The following MED13 variants were observed in gnomAD, a reference collection of about 807,000 sequenced individuals.
MED13 encodes mediator of RNA polymerase II transcription subunit 13.
In MED13, 23 loss-of-function variants were observed where a neutral mutation model predicts 225.2. That is an observed-to-expected ratio of 0.10 (90% CI 0.07 to 0.14). MED13 has a LOEUF of 0.14. Ranked by LOEUF, MED13 falls within the 10% of genes least tolerant of loss-of-function variation. The pLI is 1.00. For synonymous variants in MED13, 942 were observed against 889.2 expected (o/e 1.06, Z -1.06); for missense variants, 2,197 against 2,594.5 (o/e 0.85, Z 3.33).
intron 26 of MED13, 142 bp from the exon 27 acceptor site, chr17:61,953,255 G>A (rs755064719): frequency 6.9e-5 from 56 of 813,076 alleles, no homozygotes; most frequent in Non-Finnish European, 9.9e-5. Context: ...CATGTGCCAA[G>A]TATTGTGCTA....
Position 62,033,837 on chromosome 17 carries a change from T to G in MED13, c.764A>C (p.Glu255Ala). Residue 255 changes from glutamate (E) to alanine (A), a missense_variant, in exon 5 of 30, where the codon GAA becomes GCA. By Grantham distance (107) the Glu-to-Ala change is moderately radical (BLOSUM62 -1). This residue lies in a region of MED13 where 884 missense variants were observed against 918.5 expected (regional missense o/e 0.96). Transcript: ENST00000397786. ...CLKEMSEEKQ[E>A]DMDWEDDSLA... ...AGAATCATCTTCCCAATCCATATCTTCCTGTTTTTCTTCAGACATCTCCTT... is the reference window on the plus strand; with the variant it reads ...AGAATCATCTTCCCAATCCATATCTGCCTGTTTTTCTTCAGACATCTCCTT... 6.2e-7 allele frequency: 1 copy of G among 1,614,090 alleles called. No individual in the cohort carries two copies. The highest frequency in any genetic ancestry group is 8.5e-7 in the Non-Finnish European group (1 of 1,180,010).
intron 2 of MED13, among the ~76,000 whole-genome samples, chr17:62,056,463 T>G (rs372986233): frequency 1.3e-5 from 2 of 152,298 alleles, no homozygotes; most frequent in South Asian, 4.1e-4. Context: ...TTAATCTATA[T>G]AACTATTTTC....
chr17:62,018,636 C>G (rs1215703787), intron 8 of MED13, among the ~76,000 whole-genome samples: 1 of 151,806 alleles, frequency 6.6e-6, no homozygotes, highest in African/African-American at 2.4e-5. Flanking sequence ...ATCGCTCGAG[C>G]CAGGGAGGGG....
chr17:62,032,167 C>A lies in MED13; in HGVS notation c.815-529G>T, dbSNP rs542265213. On this transcript the variant is annotated intron_variant, in intron 5 of 29. Transcript: ENST00000397786. ...GGTAATCTTTTTCTTAAAAAAAAAA[C>A]AGACAAACAACAACAAAAAAAACAG... Among the ~76,000 whole-genome samples, 102 of 150,340 alleles carry A rather than the reference C, an allele frequency of 6.8e-4. 1 individual carries two copies. In the East Asian group the frequency reaches 0.017, roughly 26 times the overall value.
At chr17:61,974,073 A>G (rs2080132352) in intron 16 of MED13, among the ~76,000 whole-genome samples, 1 of 152,180 alleles carries the variant, frequency 6.6e-6, no homozygotes, top group African/African-American at 2.4e-5. Context: ...ATATGCTTAA[A>G]TAAACTTTTG....
chr17:62,033,526 T>C (rs2080776013), intron 5 of MED13, among the ~76,000 whole-genome samples: 1 of 152,222 alleles, frequency 6.6e-6, no homozygotes, highest in African/African-American at 2.4e-5. Context: ...TTAGGTTCAG[T>C]CCCTATTATT....
intron 2 of MED13, among the ~76,000 whole-genome samples, chr17:62,056,605 T>G (rs1255399176): frequency 6.6e-6 from 1 of 151,424 alleles, no homozygotes; most frequent in Non-Finnish European, 1.5e-5. Flanking sequence ...CCAAAAAACT[T>G]TTTTTAGTTA....
At chr17:61,946,672 T>C (rs976749481) in intron 29 of MED13, 72 bp from the exon 30 acceptor site, 66 of 1,566,024 alleles carry the variant, frequency 4.2e-5, no homozygotes, top group African/African-American at 9.6e-5. Flanking sequence ...TTTTCAATTA[T>C]GGCATTTAAG....
chr17:61,951,894 A>G (rs1008496358), intron 27 of MED13, among the ~76,000 whole-genome samples: 3 of 152,086 alleles, frequency 2.0e-5, no homozygotes, highest in African/African-American at 7.2e-5. Flanking sequence ...ACCAGTATAT[A>G]TAATTTCTTT....
chr17:62,029,468 A>G, intron 8 of MED13, 73 bp downstream of exon 8: 1 of 1,122,904 alleles, frequency 8.9e-7, no homozygotes, highest in East Asian at 2.4e-5. Context: ...TGTTTCAAAT[A>G]AAGTGGGCAT....
rs1009448735 is a variant in MED13, at chr17:61,945,924, A to T, written c.*544T>A. The T allele has an allele frequency of 6.6e-6, 1 of 152,660 alleles. No homozygotes were observed. The highest frequency in any genetic ancestry group is 6.5e-5 in the Admixed American group (1 of 15,280). 9.5% of individuals were successfully genotyped at this position (152,660 alleles called of 1,614,324 possible). A position where few individuals can be genotyped will look rare whatever the true frequency, so the allele number is the denominator to read the frequency against. On this transcript the variant is annotated 3_prime_UTR_variant, in exon 30 of 30. Transcript: ENST00000397786. ...AGACGATTACATATATTTTAGACCA[A>T]TTGCTTTAAAGCAAGAAGGCAGTAT...
chr17:62,019,725 T>C (rs1230379919), intron 8 of MED13, among the ~76,000 whole-genome samples: 5 of 151,796 alleles, frequency 3.3e-5, no homozygotes, highest in East Asian at 1.9e-4. Flanking sequence ...CTTTAGAGAG[T>C]ACAATTGAAT....
intron 9 of MED13, among the ~76,000 whole-genome samples, chr17:62,007,876 G>C (rs545269417): frequency 6.6e-6 from 1 of 151,924 alleles, no homozygotes; most frequent in East Asian, 1.9e-4. Flanking sequence ...AAAATTAGCA[G>C]AGTGTGCTGG....
Position 61,961,749 on chromosome 17 carries a change from C to T in MED13, c.5095G>A (p.Val1699Met). 1 of 1,613,956 alleles carries T rather than the reference C, an allele frequency of 6.2e-7. No individual in the cohort carries two copies. The highest frequency in any genetic ancestry group is 1.1e-5 in the South Asian group (1 of 91,072). The change falls in exon 22 of 30, where the codon GTG becomes ATG. Residue 1699 changes from valine to methionine, a missense_variant. Val to Met is a conservative substitution (Grantham distance 21). Coordinates refer to ENST00000397786, the MANE Select transcript of MED13 (RefSeq NM_005121.3). ...IIPCQYLLQP[V>M]KHEDREIYPQ... ...TAGATTTCTCTATCTTCATGCTTCA[C>T]AGGTTGCAACAGGTACTGACAAGGA... is the stretch of plus-strand genomic sequence containing the variant.
chr17:61,995,765 A>G (rs893509524), intron 9 of MED13, among the ~76,000 whole-genome samples: 3 of 152,242 alleles, frequency 2.0e-5, no homozygotes, highest in African/African-American at 7.2e-5. Flanking sequence ...AAATACTTTT[A>G]AACAATTTAT....
At chr17:62,028,713 C>T (rs555467972) in intron 8 of MED13, among the ~76,000 whole-genome samples, 28 of 151,214 alleles carry the variant, frequency 1.9e-4, no homozygotes, top group Middle Eastern at 6.8e-3. Flanking sequence ...GGCATGGTGG[C>T]GGGCGCCTGT....
At chr17:62,055,561 G>T (rs962368599) in intron 2 of MED13, among the ~76,000 whole-genome samples, 7 of 152,098 alleles carry the variant, frequency 4.6e-5, no homozygotes, top group African/African-American at 1.2e-4. Flanking sequence ...GGTGGCTCAT[G>T]CCTATAATCC....
intron 11 of MED13, among the ~76,000 whole-genome samples, chr17:61,991,085 G>A (rs553912358): frequency 3.3e-5 from 5 of 152,048 alleles, no homozygotes; most frequent in Non-Finnish European, 5.9e-5. Context: ...CACAATCATA[G>A]TTGAGCTTAT....
chr17:61,958,630 C>T (rs189543070), intron 23 of MED13, among the ~76,000 whole-genome samples: 500 of 152,220 alleles, frequency 3.3e-3, no homozygotes, highest in Middle Eastern at 0.01. Flanking sequence ...AGCCACCATG[C>T]GAGGCCTAAT....
Sources: gnomAD v4.1 joint callset for allele counts (sites outside exome capture counted in the v4.1 genomes callset) on GRCh38, gnomAD v4.1.1 for gene constraint, gnomAD v4.1.1 regional missense constraint, MANE v1.5 for transcripts, NCBI Gene and HGNC (gene_info 2026-07-23, HGNC 2026-07-21) for gene names.